The following MROH9 variants were observed in gnomAD, a reference collection of about 807,000 sequenced individuals.
The protein encoded by MROH9 is maestro heat-like repeat-containing protein family member 9.
In MROH9, 92 loss-of-function variants were observed where a neutral mutation model predicts 98.2. The observed-to-expected ratio is 0.94, with a 90% CI of 0.79 to 1.11. The LOEUF (loss-of-function observed/expected upper bound fraction) is 1.11. Among genes scored for constraint, MROH9 ranks in the 50% most tolerant of loss-of-function variants. The pLI, the probability that MROH9 is intolerant of heterozygous loss-of-function variation, is 0.00. For synonymous variants in MROH9, 397 were observed against 368.9 expected, an observed-to-expected ratio of 1.08 and a Z score of -0.87; for missense variants, 1,057 against 1,014.8, an observed-to-expected ratio of 1.04 and a Z score of -0.57.
intron 20 of MROH9, among the ~76,000 whole-genome samples, chr1:171,051,799 G>A (rs1309338572): frequency 6.6e-6 from 1 of 152,142 alleles, no homozygotes; most frequent in Non-Finnish European, 1.5e-5. Context: ...ATCAGGGATA[G>A]TGGTCTGTCA....
At chr1:171,058,997 A>G (rs182330797) in intron 20 of MROH9, among the ~76,000 whole-genome samples, 12 of 152,372 alleles carry the variant, frequency 7.9e-5, no homozygotes, top group African/African-American at 2.9e-4. Flanking sequence ...GACAAATGGG[A>G]TCTAATTAAA....
At chr1:171,010,106 A>G (rs189497886) in intron 15 of MROH9, among the ~76,000 whole-genome samples, 2 of 151,738 alleles carry the variant, frequency 1.3e-5, no homozygotes, top group South Asian at 2.1e-4. Context: ...CTAGCCCCCA[A>G]CTCCCTGAAA....
At position 170,945,522 on chromosome 1, in the gene MROH9, T is replaced by G; in HGVS notation, c.-35T>G. ...CTAATACGTGATATTTTTTGCAGCA[T>G]TACTAGTAGAAGACTTTAATACACC... On this transcript the variant is annotated splice_region_variant and 5_prime_UTR_variant, in exon 2 of 22. Coordinates refer to ENST00000367759, the MANE Select transcript of MROH9 (RefSeq NM_001163629.2). 5.0e-6 allele frequency: 8 copies of G among 1,611,140 alleles called. No homozygotes were observed. Among genetic ancestry groups the G allele is most frequent in the Non-Finnish European group, 6.8e-6 (8 of 1,178,022 alleles).
At chr1:170,980,020 C>G (rs558193537) in intron 8 of MROH9, among the ~76,000 whole-genome samples, 3 of 152,136 alleles carry the variant, frequency 2.0e-5, no homozygotes, top group Non-Finnish European at 2.9e-5. Flanking sequence ...CCTAGGAATA[C>G]AGCTAACAAA....
intron 12 of MROH9, among the ~76,000 whole-genome samples, chr1:170,994,657 A>G (rs995922728): frequency 1.6e-4 from 25 of 152,148 alleles, no homozygotes; most frequent in African/African-American, 5.8e-4. Flanking sequence ...TATTGACAGT[A>G]GTCACCCTGT....
At chr1:171,063,140 T>G (rs1358618333) in intron 21 of MROH9, among the ~76,000 whole-genome samples, 1 of 152,122 alleles carries the variant, frequency 6.6e-6, no homozygotes, top group Non-Finnish European at 1.5e-5. Context: ...CTCTGTTTTC[T>G]AAATCTCCCC....
At chr1:170,943,594 CA>C (rs1432717217) in intron 1 of MROH9, among the ~76,000 whole-genome samples, 1 of 151,004 alleles carries the variant, frequency 6.6e-6, no homozygotes, top group Non-Finnish European at 1.5e-5. Context: ...CAAAAATAAA[CA>C]AGGAATCCTT....
intron 3 of MROH9, among the ~76,000 whole-genome samples, chr1:170,951,271 C>T (rs534116987): frequency 6.6e-6 from 1 of 152,204 alleles, no homozygotes; most frequent in South Asian, 2.1e-4. Flanking sequence ...AATTAATTAA[C>T]TCCATCAATT....
intron 15 of MROH9, among the ~76,000 whole-genome samples, chr1:171,013,874 TACAC>T (rs34557125): frequency 0.5 from 72,363 of 144,094 alleles, 18,987 homozygotes; most frequent in South Asian, 0.62. Context: ...GTAAAATACA[TACAC>T]ACACACACAC....
chr1:170,981,903 A>G (rs1454776132), intron 8 of MROH9, among the ~76,000 whole-genome samples: 1 of 152,196 alleles, frequency 6.6e-6, no homozygotes, highest in African/African-American at 2.4e-5. Context: ...ATACCACTAC[A>G]CACTCATTAG....
At chr1:170,975,125 C>G (rs922633335) in intron 8 of MROH9, among the ~76,000 whole-genome samples, 2 of 151,712 alleles carry the variant, frequency 1.3e-5, no homozygotes, top group South Asian at 2.1e-4. Flanking sequence ...ATTTTTAACC[C>G]AATCATAATA....
At chr1:171,009,573 C>T (rs545067811) in intron 15 of MROH9, among the ~76,000 whole-genome samples, 21 of 152,296 alleles carry the variant, frequency 1.4e-4, no homozygotes, top group South Asian at 4.1e-4. Flanking sequence ...TTAATATAAA[C>T]TCTTATGTTA....
intron 9 of MROH9, among the ~76,000 whole-genome samples, chr1:170,984,367 A>C (rs1238463459): frequency 6.6e-6 from 1 of 152,216 alleles, no homozygotes; most frequent in Non-Finnish European, 1.5e-5. Flanking sequence ...GGTATGGTCA[A>C]AAATACTGCA....
At chr1:171,050,832 G>A (rs570897931) in intron 20 of MROH9, among the ~76,000 whole-genome samples, 1 of 152,106 alleles carries the variant, frequency 6.6e-6, no homozygotes, top group Non-Finnish European at 1.5e-5. Context: ...TTATTTTGAG[G>A]TATGTTCCTT....
chr1:170,959,733 T>A (rs1649941912), intron 5 of MROH9, 136 bp downstream of exon 5: 2 of 686,196 alleles, frequency 2.9e-6, no homozygotes, highest in Non-Finnish European at 4.5e-6. Flanking sequence ...AGGGCACTAA[T>A]CTATACCACT....
intron 6 of MROH9, among the ~76,000 whole-genome samples, chr1:170,963,236 C>T (rs1260445656): frequency 3.3e-5 from 5 of 151,946 alleles, no homozygotes; most frequent in Admixed American, 1.3e-4. Flanking sequence ...AAAAGCTCAA[C>T]CTCATTGATG....
intron 20 of MROH9, among the ~76,000 whole-genome samples, chr1:171,056,322 C>A (rs1370037480): frequency 1.3e-5 from 2 of 152,186 alleles, no homozygotes; most frequent in African/African-American, 4.8e-5. Flanking sequence ...GGGCTGGACA[C>A]CTTGGTCCCA....
chr1:171,002,107 CCTTTA>C (rs1382297655), intron 15 of MROH9, among the ~76,000 whole-genome samples: 1 of 152,082 alleles, frequency 6.6e-6, no homozygotes, highest in Non-Finnish European at 1.5e-5. Flanking sequence ...TTTTTCCATG[CCTTTA>C]CTTTAAGTTT....
chr1:171,011,805 T>C (rs1652163101), intron 15 of MROH9, among the ~76,000 whole-genome samples: 1 of 152,206 alleles, frequency 6.6e-6, no homozygotes, highest in East Asian at 1.9e-4. Context: ...TGTTCTTTTT[T>C]GTATTATATC....
Sources: gnomAD v4.1 joint callset for allele counts (sites outside exome capture counted in the v4.1 genomes callset) on GRCh38, gnomAD v4.1.1 for gene constraint, MANE v1.5 for transcripts, NCBI Gene and HGNC (gene_info 2026-07-23, HGNC 2026-07-21) for gene names.